Variants in HERC2 observed in about 807,000 individuals in gnomAD.
HERC2 encodes E3 ubiquitin-protein ligase HERC2.
A neutral mutation model predicts 537.7 loss-of-function variants in HERC2; 102 were observed. The ratio of observed to expected loss-of-function variants is 0.19; its 90% CI spans 0.16 to 0.22. The LOEUF (loss-of-function observed/expected upper bound fraction) is 0.22. Ranked by LOEUF, HERC2 falls within the 10% of genes least tolerant of loss-of-function variation. HERC2 has a pLI of 1.00. For missense variants in HERC2, 4,236 were observed against 6,198.2 expected, an observed-to-expected ratio of 0.68 and a Z score of 10.63; for synonymous variants, 2,224 against 2,466.2, an observed-to-expected ratio of 0.90 and a Z score of 2.91.
At chr15:28,287,585 C>T (rs2076190936) in intron 4 of HERC2, among the ~76,000 whole-genome samples, 1 of 152,132 alleles carries the variant, frequency 6.6e-6, no homozygotes, top group Non-Finnish European at 1.5e-5. Flanking sequence ...AAATCTTTAT[C>T]AAACATTTGT....
chr15:28,134,517 G>A (rs377135355), intron 79 of HERC2, among the ~76,000 whole-genome samples: 1 of 152,120 alleles, frequency 6.6e-6, no homozygotes, highest in Non-Finnish European at 1.5e-5. Context: ...AGTGGTGATA[G>A]CAGACATCCT....
At chr15:28,117,776 A>G (rs986658692) in intron 86 of HERC2, 1 of 354,498 alleles carries the variant, frequency 2.8e-6, no homozygotes, top group African/African-American at 2.1e-5. Context: ...TTCTCATCCT[A>G]AGCTACAATT....
At chr15:28,271,424 A>T (rs2075724380) in intron 9 of HERC2, among the ~76,000 whole-genome samples, 1 of 152,204 alleles carries the variant, frequency 6.6e-6, no homozygotes, top group Non-Finnish European at 1.5e-5. Context: ...GCACTTTGGG[A>T]GGGCCAGGCA....
intron 38 of HERC2, 88 bp downstream of exon 38, chr15:28,218,401 A>C: frequency 8.9e-7 from 1 of 1,124,326 alleles, no homozygotes; most frequent in South Asian, 1.3e-5. Context: ...GAATCCACAC[A>C]CATCCACACC....
At position 28,122,229 on chromosome 15, in the gene HERC2, G is replaced by A. The variant is rs1468183079; in HGVS notation, c.13189-800C>T. 1.3e-5 allele frequency among the ~76,000 whole-genome samples: 2 copies of A among 152,250 alleles called. No homozygotes were observed. Among genetic ancestry groups the A allele is most frequent in the Non-Finnish European group, 2.9e-5 (2 of 68,038 alleles). ...CGGTGAGGACCCAGCCGTTCCCCAG[G>A]AGGGAGCAGGTCGGCCATGCCCGTG... On this transcript the variant is annotated intron_variant, in intron 85 of 92. Coordinates refer to ENST00000261609, the MANE Select transcript of HERC2 (RefSeq NM_004667.6). The surrounding 1 kb of genome is among the most constrained non-coding windows in gnomAD (Gnocchi z 4.1).
Position 28,268,448 on chromosome 15 carries a change from G to C in HERC2, c.1598+17C>G. 6.2e-7 allele frequency: 1 copy of C among 1,609,644 alleles called. No homozygotes were observed. The highest frequency in any genetic ancestry group is 8.5e-7 in the Non-Finnish European group (1 of 1,177,084). On this transcript the variant is annotated intron_variant, in intron 12 of 92. Coordinates refer to ENST00000261609, the MANE Select transcript of HERC2 (RefSeq NM_004667.6). This position sits in a 1 kb window ranked among gnomAD's most constrained non-coding sequence, Gnocchi z 4.7. ...TAAAAGGAGAGTGTGTCCCCTACAG[G>C]AATAAGCGATACATACACAGTGTCC...
intron 75 of HERC2, 102 bp from the exon 76 acceptor site, chr15:28,142,495 C>T (rs1290828516): frequency 3.2e-5 from 38 of 1,194,226 alleles, no homozygotes; most frequent in Admixed American, 2.9e-4. Flanking sequence ...TCCAGGATGA[C>T]GGCCATGGGC....
intron 42 of HERC2, chr15:28,212,934 A>T (rs76197823): frequency 3.0e-6 from 1 of 335,806 alleles, no homozygotes; most frequent in African/African-American, 2.2e-5. Context: ...TAGTCAGGCC[A>T]GGCACGGTGG....
At chr15:28,235,322 C>G (rs1902312719) in intron 26 of HERC2, among the ~76,000 whole-genome samples, 1 of 152,152 alleles carries the variant, frequency 6.6e-6, no homozygotes, top group Non-Finnish European at 1.5e-5. Flanking sequence ...TTGGACCCAC[C>G]TGCCAGGGCC....
chr15:28,248,729 C>A lies in HERC2; in HGVS notation c.3058G>T (p.Ala1020Ser), dbSNP rs778601927. 1.9e-6 allele frequency: 3 copies of A among 1,612,758 alleles called. No individual in the cohort carries two copies. In the Admixed American group the frequency reaches 5.0e-5, roughly 27 times the overall value. ...QLIQQLLRNI[A>S]SQTVARLKDV... ...TTCAATCTGGCTACAGTCTGAGAAGCAATGTTTCTATACAGGAAAGAAGAG... is the reference window on the plus strand; with the variant it reads ...TTCAATCTGGCTACAGTCTGAGAAGAAATGTTTCTATACAGGAAAGAAGAG... Residue 1020 changes from alanine to serine, a missense_variant, in exon 21 of 93, where the codon GCT (alanine) becomes TCT (serine). By Grantham distance (99) the Ala-to-Ser change is moderately conservative (BLOSUM62 1). This residue lies in a region of HERC2 where 754 missense variants were observed against 1,085.0 expected (regional missense o/e 0.69). Transcript: ENST00000261609.
intron 78 of HERC2, 64 bp from the exon 79 acceptor site, chr15:28,135,756 T>C: frequency 8.5e-7 from 1 of 1,169,802 alleles, no homozygotes; most frequent in Non-Finnish European, 1.3e-6. Flanking sequence ...AATTTACTAA[T>C]TCATAAACCT....
At chr15:28,214,568 G>C (rs1159257964) in intron 40 of HERC2, 87 bp downstream of exon 40, 3 of 1,477,658 alleles carry the variant, frequency 2.0e-6, no homozygotes. Context: ...CTTCACCAGG[G>C]CACAGGGAAG....
intron 68 of HERC2, 122 bp downstream of exon 68, chr15:28,167,565 A>T (rs1377846051): frequency 8.4e-7 from 1 of 1,189,912 alleles, no homozygotes; most frequent in African/African-American, 1.5e-5. Flanking sequence ...GATGCTAACA[A>T]GTGGACAGCC....
chr15:28,166,799 G>A (rs1566962986), intron 68 of HERC2, among the ~76,000 whole-genome samples: 2 of 151,916 alleles, frequency 1.3e-5, no homozygotes, highest in African/African-American at 4.8e-5. Flanking sequence ...GAGTCCCAGT[G>A]ACCGAGTCCC....
intron 90 of HERC2, among the ~76,000 whole-genome samples, chr15:28,114,228 A>C (rs1887975248): frequency 6.6e-6 from 1 of 152,202 alleles, no homozygotes. Context: ...GACCGTGCAC[A>C]GTCACACCTG....
At chr15:28,143,312 G>A (rs1336600359) in intron 74 of HERC2, among the ~76,000 whole-genome samples, 1 of 151,980 alleles carries the variant, frequency 6.6e-6, no homozygotes, top group Non-Finnish European at 1.5e-5. Flanking sequence ...TAGCCTCATT[G>A]TAAAGTCCAA....
intron 3 of HERC2, among the ~76,000 whole-genome samples, chr15:28,296,361 C>CTGAG (rs2141172777): frequency 1.3e-5 from 2 of 152,194 alleles, no homozygotes; most frequent in Admixed American, 6.5e-5. Context: ...GTAATCCTAG[C>CTGAG]TACTCAGGAG....
intron 79 of HERC2, among the ~76,000 whole-genome samples, chr15:28,133,626 G>T (rs778357012): frequency 6.6e-6 from 1 of 152,138 alleles, no homozygotes; most frequent in Non-Finnish European, 1.5e-5. Context: ...GTTTGGATAT[G>T]GTGTAAAGTA....
chr15:28,286,952 T>C (rs2141097899), intron 4 of HERC2, among the ~76,000 whole-genome samples: 1 of 152,222 alleles, frequency 6.6e-6, no homozygotes, highest in South Asian at 2.1e-4. Flanking sequence ...GAGGGACTGA[T>C]GGATGAATAG....
Sources: gnomAD v4.1 joint callset for allele counts (sites outside exome capture counted in the v4.1 genomes callset) on GRCh38, gnomAD v4.1.1 for gene constraint, gnomAD v4.1.1 regional missense constraint, Gnocchi (gnomAD v3.1) non-coding constraint, MANE v1.5 for transcripts, NCBI Gene and HGNC (gene_info 2026-07-23, HGNC 2026-07-21) for gene names.